Variants in ERC2 observed in about 807,000 individuals in gnomAD.
The protein encoded by ERC2 is ERC protein 2.
Under a neutral mutation model 114.8 loss-of-function variants are expected in ERC2, and 42 were observed. That is an observed-to-expected ratio of 0.37 (90% CI 0.29 to 0.47). The LOEUF is 0.47. Ranked by LOEUF, ERC2 falls within the 20% of genes least tolerant of loss-of-function variation. The pLI is 0.99. For synonymous variants in ERC2, 454 were observed against 425.5 expected, an observed-to-expected ratio of 1.07 and a Z score of -0.82; for missense variants, 939 against 1,150.7, an observed-to-expected ratio of 0.82 and a Z score of 2.66.
intron 3 of ERC2, among the ~76,000 whole-genome samples, chr3:56,216,971 A>C (rs1254871809): frequency 6.6e-6 from 1 of 152,226 alleles, no homozygotes; most frequent in Non-Finnish European, 1.5e-5. Flanking sequence ...TCAATAAATT[A>C]GGTATTGATG....
At chr3:56,143,280 C>A (rs1184268676) in intron 5 of ERC2, among the ~76,000 whole-genome samples, 1 of 152,126 alleles carries the variant, frequency 6.6e-6, no homozygotes, top group Non-Finnish European at 1.5e-5. Context: ...GCTATGAAAA[C>A]CAGAGCTCAA....
chr3:56,235,353 C>T (rs1320513324), intron 3 of ERC2, among the ~76,000 whole-genome samples: 12 of 152,208 alleles, frequency 7.9e-5, no homozygotes, highest in African/African-American at 2.9e-4. Flanking sequence ...ATATTTGCTA[C>T]TTGCCATGTA....
intron 17 of ERC2, among the ~76,000 whole-genome samples, chr3:55,546,851 G>A (rs1232539260): frequency 1.3e-5 from 2 of 152,198 alleles, no homozygotes; most frequent in Non-Finnish European, 2.9e-5. Context: ...GAGGAGTTTG[G>A]GCTCAATGAT....
At chr3:56,186,730 G>C (rs765354441) in intron 3 of ERC2, among the ~76,000 whole-genome samples, 1 of 152,050 alleles carries the variant, frequency 6.6e-6, no homozygotes, top group Non-Finnish European at 1.5e-5. Context: ...ATAGAGACAG[G>C]GTTTCACCAT....
chr3:56,176,111 C>T (rs966985658), intron 3 of ERC2, among the ~76,000 whole-genome samples: 4 of 152,316 alleles, frequency 2.6e-5, no homozygotes, highest in South Asian at 2.1e-4. Flanking sequence ...AGTCACTTGT[C>T]AGAGTTTCTC....
chr3:56,011,332 C>T (rs866914570), intron 8 of ERC2, among the ~76,000 whole-genome samples: 4 of 152,074 alleles, frequency 2.6e-5, no homozygotes, highest in Non-Finnish European at 5.9e-5. Context: ...TCATCACAAG[C>T]GCAAGGGCAG....
At chr3:56,459,234 A>G (rs139014603) in intron 1 of ERC2, among the ~76,000 whole-genome samples, 1 of 152,294 alleles carries the variant, frequency 6.6e-6, no homozygotes, top group East Asian at 1.9e-4. Flanking sequence ...TTCTTATAGG[A>G]AACCCTGCTC....
intron 3 of ERC2, among the ~76,000 whole-genome samples, chr3:56,288,234 T>C (rs1410162344): frequency 6.6e-6 from 1 of 152,110 alleles, no homozygotes; most frequent in Non-Finnish European, 1.5e-5. Flanking sequence ...GAGGTTTTAT[T>C]TGTGGGGCAT....
intron 3 of ERC2, among the ~76,000 whole-genome samples, chr3:56,223,099 C>T (rs1163605713): frequency 2.6e-5 from 4 of 152,216 alleles, no homozygotes; most frequent in Non-Finnish European, 5.9e-5. Context: ...CCACTTCCCT[C>T]CCAAAAACAG....
intron 7 of ERC2, among the ~76,000 whole-genome samples, chr3:56,067,757 T>G (rs1198260170): frequency 6.6e-6 from 1 of 152,234 alleles, no homozygotes; most frequent in Non-Finnish European, 1.5e-5. Flanking sequence ...GAAGGGATGT[T>G]GAATTTTATC....
At chr3:55,877,508 A>ATTTTTTCTTTTTTTTTTTTTTTTT (rs2062913101) in intron 14 of ERC2, among the ~76,000 whole-genome samples, 1 of 141,484 alleles carries the variant, frequency 7.1e-6, no homozygotes, top group Non-Finnish European at 1.5e-5. Flanking sequence ...TTTAATTTTT[A>ATTTTTTCTTTTTTTTTTTTTTTTT]TTTTTTCTTT....
intron 15 of ERC2, 87 bp from the exon 16 acceptor site, chr3:55,699,599 G>T: frequency 1.5e-6 from 2 of 1,379,130 alleles, no homozygotes; most frequent in African/African-American, 1.4e-5. Flanking sequence ...GTACCTATAG[G>T]GATCCCTTTG....
intron 7 of ERC2, among the ~76,000 whole-genome samples, chr3:56,044,676 T>C (rs1013022075): frequency 5.9e-5 from 9 of 152,276 alleles, no homozygotes; most frequent in African/African-American, 2.2e-4. Context: ...GAAAATTTCC[T>C]CTTAAGAAGA....
chr3:55,583,888 G>GCC (rs11397696), intron 17 of ERC2, among the ~76,000 whole-genome samples: 209 of 151,866 alleles, frequency 1.4e-3, no homozygotes, highest in East Asian at 4.3e-3. Flanking sequence ...CAACTTGCTA[G>GCC]CCCCCCTCCC....
intron 3 of ERC2, among the ~76,000 whole-genome samples, chr3:56,239,244 T>C (rs2051160565): frequency 6.6e-6 from 1 of 152,158 alleles, no homozygotes; most frequent in Non-Finnish European, 1.5e-5. Context: ...GAGCCAGGCA[T>C]GGTGGCTCAT....
At chr3:55,715,168 GTGT>G (rs2064040110) in intron 15 of ERC2, among the ~76,000 whole-genome samples, 1 of 152,162 alleles carries the variant, frequency 6.6e-6, no homozygotes. Context: ...AGGCATGGTT[GTGT>G]CTATGCACAA....
intron 17 of ERC2, among the ~76,000 whole-genome samples, chr3:55,574,161 C>G (rs760065377): frequency 3.6e-4 from 55 of 152,148 alleles, no homozygotes; most frequent in Non-Finnish European, 7.1e-4. Flanking sequence ...TCTCATGTGA[C>G]CAATGATGAC....
intron 14 of ERC2, among the ~76,000 whole-genome samples, chr3:55,787,013 T>C (rs185997005): frequency 2.0e-5 from 3 of 152,364 alleles, no homozygotes; most frequent in Non-Finnish European, 2.9e-5. Flanking sequence ...GTGGGACAGA[T>C]AGGACCTAGT....
intron 1 of ERC2, among the ~76,000 whole-genome samples, chr3:56,451,656 G>A (rs143072625): frequency 6.6e-6 from 1 of 152,304 alleles, no homozygotes; most frequent in Non-Finnish European, 1.5e-5. Flanking sequence ...AAGTAATTGA[G>A]TCAAATCTCT....
Sources: allele counts gnomAD v4.1 joint callset (sites outside exome capture counted in the v4.1 genomes callset), GRCh38; gene constraint gnomAD v4.1.1; transcripts MANE v1.5; gene names NCBI Gene and HGNC (gene_info 2026-07-23, HGNC 2026-07-21).